Variants in LOC400499 observed in about 807,000 individuals in gnomAD.
chr16:11,434,070 T>G, the LOC400499 span, among the ~76,000 whole-genome samples: 2 of 152,068 alleles, frequency 1.3e-5, no homozygotes, highest in Admixed American at 1.3e-4. Context: ...AGGAAGGGTC[T>G]ATAGGAACCT....
At chr16:11,395,774 G>C in the LOC400499 span, among the ~76,000 whole-genome samples, 4 of 152,166 alleles carry the variant, frequency 2.6e-5, no homozygotes, top group African/African-American at 9.7e-5. Context: ...CAGGGAGACA[G>C]AGGAGGTGGA....
At chr16:11,393,714 C>A in the LOC400499 span, among the ~76,000 whole-genome samples, 64 of 152,304 alleles carry the variant, frequency 4.2e-4, no homozygotes, top group African/African-American at 1.4e-3. Context: ...GCCCGATCTC[C>A]AGGGCACCAG....
the LOC400499 span, chr16:11,516,161 CTG>C: frequency 5.0e-6 from 2 of 399,886 alleles, no homozygotes; most frequent in Non-Finnish European, 4.4e-6. Context: ...GGTCTTGGGG[CTG>C]TGGGCCCCTG....
At chr16:11,476,653 C>T in the LOC400499 span, 6 of 341,460 alleles carry the variant, frequency 1.8e-5, no homozygotes, top group Admixed American at 1.2e-4. Context: ...CTTGTGCACA[C>T]GCAGACGTGA....
At chr16:11,416,556 T>A in the LOC400499 span, among the ~76,000 whole-genome samples, 2 of 152,190 alleles carry the variant, frequency 1.3e-5, no homozygotes, top group Non-Finnish European at 2.9e-5. Context: ...AAGTCATCCC[T>A]GCCCTCACAG....
the LOC400499 span, among the ~76,000 whole-genome samples, chr16:11,427,929 T>G: frequency 3.3e-5 from 5 of 151,992 alleles, no homozygotes; most frequent in Non-Finnish European, 5.9e-5. Context: ...AAAAACAGCA[T>G]AGATGGATGT....
At chr16:11,483,994 C>CTTTTTT in the LOC400499 span, among the ~76,000 whole-genome samples, 1 of 34,826 alleles carries the variant, frequency 2.9e-5, no homozygotes, top group Non-Finnish European at 4.8e-5. Flanking sequence ...GAGGAAGGGA[C>CTTTTTT]TTTTTTTTTT....
the LOC400499 span, among the ~76,000 whole-genome samples, chr16:11,512,666 C>G: frequency 2.0e-5 from 3 of 152,110 alleles, no homozygotes; most frequent in Non-Finnish European, 4.4e-5. Flanking sequence ...TCTGAATATA[C>G]TAAAAACCAC....
At chr16:11,392,747 T>C in the LOC400499 span, 1 of 983,630 alleles carries the variant, frequency 1.0e-6, no homozygotes, top group East Asian at 1.1e-4. Context: ...TGAGGTTTTT[T>C]TTTGAGACAC....
chr16:11,390,155 T>C, the LOC400499 span: 21 of 1,232,360 alleles, frequency 1.7e-5, no homozygotes, highest in Middle Eastern at 6.2e-4. Context: ...GCCTCTTCAG[T>C]GCCCGTGAGA....
At chr16:11,511,977 C>T in the LOC400499 span, among the ~76,000 whole-genome samples, 3 of 151,932 alleles carry the variant, frequency 2.0e-5, no homozygotes, top group African/African-American at 7.3e-5. Context: ...CCAGCCTGGG[C>T]GACAGACCAA....
At chr16:11,448,850 G>A in the LOC400499 span, 48 of 1,275,570 alleles carry the variant, frequency 3.8e-5, no homozygotes, top group African/African-American at 6.5e-4. Flanking sequence ...CCGAAGCAGG[G>A]AGAGAGGTAG....
chr16:11,501,301 A>C, the LOC400499 span, among the ~76,000 whole-genome samples: 1 of 152,098 alleles, frequency 6.6e-6, no homozygotes, highest in Non-Finnish European at 1.5e-5. Context: ...AGGAACCAGC[A>C]ATCAGCAAAC....
the LOC400499 span, among the ~76,000 whole-genome samples, chr16:11,397,769 G>T: frequency 2.7e-4 from 8 of 29,492 alleles, no homozygotes; most frequent in Admixed American, 1.9e-3. Flanking sequence ...GAGGGAGGGA[G>T]GGATGGAGGG....
chr16:11,447,302 G>C, the LOC400499 span, among the ~76,000 whole-genome samples: 5 of 152,260 alleles, frequency 3.3e-5, no homozygotes, highest in South Asian at 1.0e-3. Context: ...TAAAACGGAG[G>C]CTAAAATAAT....
the LOC400499 span, among the ~76,000 whole-genome samples, chr16:11,481,425 C>T: frequency 2.6e-5 from 4 of 152,068 alleles, no homozygotes; most frequent in South Asian, 2.1e-4. Flanking sequence ...TGGGTTAAAG[C>T]GATTCTCCTG....
the LOC400499 span, among the ~76,000 whole-genome samples, chr16:11,388,519 G>C: frequency 2.6e-5 from 4 of 152,160 alleles, no homozygotes; most frequent in Non-Finnish European, 5.9e-5. Flanking sequence ...TCCCTGCTTG[G>C]AGCCCGGTTC....
chr16:11,516,129 C>T, the LOC400499 span: 10 of 399,806 alleles, frequency 2.5e-5, no homozygotes, highest in Middle Eastern at 1.3e-3. Context: ...CCCTTCCCAT[C>T]TCCTGGCCTC....
chr16:11,433,884 T>C, the LOC400499 span, among the ~76,000 whole-genome samples: 1 of 152,230 alleles, frequency 6.6e-6, no homozygotes, highest in Non-Finnish European at 1.5e-5. Flanking sequence ...TCCATCTGGC[T>C]GTTCTCAAAT....
Sources: gnomAD v4.1 joint callset for allele counts (sites outside exome capture counted in the v4.1 genomes callset) on GRCh38, gnomAD v4.1.1 for gene constraint, MANE v1.5 for transcripts.